The following CCNF variants were observed in gnomAD, a reference collection of about 807,000 sequenced individuals.
CCNF encodes cyclin F.
A neutral mutation model predicts 85.4 loss-of-function variants in CCNF; 30 were observed. The ratio of observed to expected loss-of-function variants is 0.35; its 90% CI spans 0.26 to 0.48. CCNF has a LOEUF of 0.48. Ranked by LOEUF, CCNF falls within the 20% of genes least tolerant of loss-of-function variation. The probability of loss-of-function intolerance (pLI) is 0.99; values close to 1 mark genes in which losing one functional copy is unlikely to be tolerated. For synonymous variants in CCNF, 439 were observed against 425.1 expected (o/e 1.03, Z -0.40); for missense variants, 919 against 1,010.4 (o/e 0.91, Z 1.23).
chr16:2,443,910 G>C, intron 9 of CCNF, 110 bp downstream of exon 9: 3 of 942,340 alleles, frequency 3.2e-6, no homozygotes, highest in Non-Finnish European at 4.6e-6. Context: ...GCGGCATAGA[G>C]TTCCCTTATC....
chr16:2,439,449 A>G lies in CCNF; in HGVS notation c.691A>G (p.Arg231Gly), dbSNP rs1428153873. Residue 231 changes from arginine (R) to glycine (G), a missense_variant, in exon 7 of 17, where the codon AGG (arginine) becomes GGG (glycine). Transcript: ENST00000397066. ...SSYLLWESDR[R>G]TDVSDPGRCL... ...CTACCTCCTCTGGGAAAGCGACAGG[A>G]GGACAGATGTGAGTGGTGCCTGCTC... The G allele has an allele frequency of 6.2e-7, 1 of 1,608,434 alleles. No homozygotes were observed. The highest frequency in any genetic ancestry group is 2.2e-5 in the East Asian group (1 of 44,844).
intron 3 of CCNF, among the ~76,000 whole-genome samples, chr16:2,435,247 C>A (rs540654596): frequency 7.3e-4 from 82 of 111,902 alleles, no homozygotes; most frequent in African/African-American, 1.9e-3. Flanking sequence ...CAGACTCCGT[C>A]TCAAAAAAAA....
chr16:2,435,923 T>C, intron 4 of CCNF, 50 bp downstream of exon 4: 1 of 1,382,802 alleles, frequency 7.2e-7, no homozygotes. Context: ...AGTGTGAGCC[T>C]TTGGCCCTAT....
At chr16:2,454,042 G>A (rs2065410525) in intron 15 of CCNF, among the ~76,000 whole-genome samples, 2 of 152,174 alleles carry the variant, frequency 1.3e-5, no homozygotes, top group South Asian at 2.1e-4. Context: ...AACTCCTACT[G>A]ATTCCACAAG....
At position 2,445,726 on chromosome 16, in the gene CCNF, G is replaced by T. The variant is rs542237467; in HGVS notation, c.1094+104G>T. ...CCTCACTGGTTTGGTTTTGTTTTGT[G>T]TTGTTTTTTTTTTTTTCCCGAGACC... On this transcript the variant is annotated intron_variant, in intron 10 of 16. Transcript: ENST00000397066. The T allele has an allele frequency of 1.0e-3, 864 of 834,782 alleles. 1 individual carries two copies. Among genetic ancestry groups the T allele is most frequent in the Non-Finnish European group, 1.3e-3 (734 of 576,030 alleles). The allele number at this position is 834,782 out of a possible 1,614,324, so 51.7% of individuals were successfully genotyped here.
Position 2,453,467 on chromosome 16 carries a change from C to A in CCNF, c.1645C>A (p.Pro549Thr), listed in dbSNP as rs749266540. Residue 549 changes from proline to threonine, a missense_variant, in exon 15 of 17, where the codon CCC (proline) becomes ACC (threonine). Physicochemically the swap from Pro to Thr is conservative, Grantham distance 38. Coordinates refer to ENST00000397066, the MANE Select transcript of CCNF (RefSeq NM_001761.3). The surrounding 1 kb of genome is among the most constrained non-coding windows in gnomAD (Gnocchi z 5.6). Reference protein sequence around the residue: ...ALGVTQDSPDPPTFLSTGEIH... With the variant: ...ALGVTQDSPDTPTFLSTGEIH... Reference sequence around the variant, plus strand: ...AGGAGTGACACAAGACAGCCCCGACCCCCCGACTTTCCTCAGCACAGGGGA... The same window carrying A: ...AGGAGTGACACAAGACAGCCCCGACACCCCGACTTTCCTCAGCACAGGGGA... The A allele has an allele frequency of 6.2e-7, 1 of 1,614,078 alleles. No homozygotes were observed. The highest frequency in any genetic ancestry group is 1.3e-5 in the African/African-American group (1 of 75,026).
rs1449606188 is a variant in CCNF at position 2,446,370 on chromosome 16, C to A, written c.1094+748C>A. On this transcript the variant is annotated intron_variant, in intron 10 of 16. Transcript: ENST00000397066. ...ACACTCTTGGAGTTAGAGAGTTTTT[C>A]GTCCCCCACTGGTGCCCTGCAGAGC... is the stretch of plus-strand genomic sequence containing the variant. Among the ~76,000 whole-genome samples, 6 of 152,302 alleles carry A rather than the reference C, an allele frequency of 3.9e-5. No individual in the cohort carries two copies. In the East Asian group the frequency reaches 1.2e-3, roughly 29 times the overall value.
intron 6 of CCNF, among the ~76,000 whole-genome samples, chr16:2,438,642 G>GAAA (rs932243743): frequency 8.8e-6 from 1 of 114,196 alleles, no homozygotes; most frequent in African/African-American, 3.3e-5. Flanking sequence ...CTCAGTCTCA[G>GAAA]AAAAAAAAAA....
intron 15 of CCNF, among the ~76,000 whole-genome samples, chr16:2,454,297 C>T (rs1221665440): frequency 2.0e-5 from 3 of 152,210 alleles, no homozygotes; most frequent in Non-Finnish European, 2.9e-5. Flanking sequence ...CCCCAAGAAG[C>T]GTGACAGCAC....
intron 1 of CCNF, among the ~76,000 whole-genome samples, chr16:2,430,622 A>G (rs1596912506): frequency 6.6e-6 from 1 of 152,278 alleles, no homozygotes; most frequent in East Asian, 1.9e-4. Context: ...CCCGGCCTCC[A>G]AGTCTGTGGC....
Position 2,456,642 on chromosome 16 carries a change from G to C in CCNF, c.1983G>C (p.Glu661Asp). 6.2e-7 allele frequency: 1 copy of C among 1,612,874 alleles called. No homozygotes were observed. Among genetic ancestry groups the C allele is most frequent in the Non-Finnish European group, 8.5e-7 (1 of 1,179,614 alleles). Residue 661 changes from glutamate (E) to aspartate (D), a missense_variant, in exon 17 of 17, where the codon GAG (glutamate) becomes GAC (aspartate). Physicochemically the swap from Glu to Asp is conservative, Grantham distance 45. Transcript: ENST00000397066. The surrounding 1 kb of genome is among the most constrained non-coding windows in gnomAD (Gnocchi z 4.5). ...CCAGTGATGAGGAGGCTTGTCCAGA[G>C]GACAAGGGACCCCAGGACCCACAGG... ...QESSDEEACP[E>D]DKGPQDPQAL...
chr16:2,445,468 A>C lies in CCNF; in HGVS notation c.940A>C (p.Ile314Leu), dbSNP rs1443237838. 1 of 1,613,992 alleles carries C rather than the reference A, an allele frequency of 6.2e-7. No individual in the cohort carries two copies. Among genetic ancestry groups the C allele is most frequent in the Non-Finnish European group, 8.5e-7 (1 of 1,180,024 alleles). The change falls in exon 10 of 17, where the codon ATC becomes CTC. Residue 314 changes from isoleucine (I) to leucine (L), a missense_variant. Ile to Leu is a conservative substitution (Grantham distance 5). Around this residue, in one of 3 missense-constraint regions of CCNF, gnomAD observed 410 missense variants for 478.6 expected, o/e 0.86. Transcript: ENST00000397066. Reference sequence around the variant, plus strand: ...CTTCTCTTTCCGCAGGTACATTCTGATCGACTGGCTGGTGGAAGTTGCCAC... The same window carrying C: ...CTTCTCTTTCCGCAGGTACATTCTGCTCGACTGGCTGGTGGAAGTTGCCAC... Reference protein sequence around the residue: ...GLNDTMRYILIDWLVEVATMK... With the variant: ...GLNDTMRYILLDWLVEVATMK...
At chr16:2,455,199 G>A (rs1302377078) in intron 15 of CCNF, among the ~76,000 whole-genome samples, 196 bp from the exon 16 acceptor site, 1 of 152,224 alleles carries the variant, frequency 6.6e-6, no homozygotes, top group Non-Finnish European at 1.5e-5. Context: ...GAGTTTGCCT[G>A]AGCTGTCCTC....
intron 3 of CCNF, among the ~76,000 whole-genome samples, chr16:2,433,613 A>G (rs2065273306): frequency 6.6e-6 from 1 of 152,048 alleles, no homozygotes; most frequent in East Asian, 1.9e-4. Flanking sequence ...CTTGAGACGG[A>G]GTCTCGCTCT....
intron 4 of CCNF, 136 bp from the exon 5 acceptor site, chr16:2,436,993 C>A: frequency 3.5e-6 from 2 of 573,800 alleles, no homozygotes; most frequent in South Asian, 3.0e-5. Flanking sequence ...TCCTGGAGGG[C>A]TCTACTCTCC....
intron 13 of CCNF, 58 bp downstream of exon 13, chr16:2,449,973 G>T: frequency 8.6e-7 from 1 of 1,168,970 alleles, no homozygotes; most frequent in Non-Finnish European, 1.3e-6. Context: ...TTGGGAGGCC[G>T]AGGCGGGCAG....
Position 2,451,959 on chromosome 16 carries a change from C to T in CCNF, c.1488-1251C>T, listed in dbSNP as rs1227326466. Reference sequence around the variant, plus strand: ...GCGTGACTCAGCCAACGGCCTGTTGCCTGTTCTGGCCCTGGTGGGTCGTGG... The same window carrying T: ...GCGTGACTCAGCCAACGGCCTGTTGTCTGTTCTGGCCCTGGTGGGTCGTGG... On this transcript the variant is annotated intron_variant, in intron 13 of 16. Transcript: ENST00000397066. This position sits in a 1 kb window ranked among gnomAD's most constrained non-coding sequence, Gnocchi z 4.3. Among the ~76,000 whole-genome samples the T allele has an allele frequency of 6.6e-6, 1 of 152,236 alleles. No individual in the cohort carries two copies. Among genetic ancestry groups the T allele is most frequent in the Non-Finnish European group, 1.5e-5 (1 of 68,040 alleles).
chr16:2,439,488 G>A (rs777908743), intron 7 of CCNF, 31 bp downstream of exon 7: 13 of 1,498,996 alleles, frequency 8.7e-6, no homozygotes, highest in Non-Finnish European at 1.2e-5. Flanking sequence ...GTCGGGGGGA[G>A]TTATGCTGGA....
At chr16:2,447,286 T>C (rs1164000906) in intron 10 of CCNF, among the ~76,000 whole-genome samples, 10 of 151,894 alleles carry the variant, frequency 6.6e-5, no homozygotes, top group Non-Finnish European at 8.8e-5. Context: ...TTTTTTTTTT[T>C]TTTTTTTAAA....
Sources: gnomAD v4.1 joint callset for allele counts (sites outside exome capture counted in the v4.1 genomes callset) on GRCh38, gnomAD v4.1.1 for gene constraint, gnomAD v4.1.1 regional missense constraint, Gnocchi (gnomAD v3.1) non-coding constraint, MANE v1.5 for transcripts, NCBI Gene and HGNC (gene_info 2026-07-23, HGNC 2026-07-21) for gene names.